UFSP2: variants seen among roughly 807,000 people sequenced by gnomAD.
UFSP2 encodes ufm1-specific protease 2.
A neutral mutation model predicts 60.2 loss-of-function variants in UFSP2; 43 were observed. The ratio of observed to expected loss-of-function variants is 0.71; its 90% confidence interval spans 0.56 to 0.92. The LOEUF (loss-of-function observed/expected upper bound fraction) is 0.92, where lower values mean the gene tolerates loss of function less well. Ranked by LOEUF, UFSP2 falls within the 40% of genes least tolerant of loss-of-function variation. UFSP2 has a pLI of 0.00. For synonymous variants in UFSP2, 183 were observed against 195.1 expected, an observed-to-expected ratio of 0.94 and a Z score of 0.52; for missense variants, 520 against 575.0, an observed-to-expected ratio of 0.90 and a Z score of 0.98.
In UFSP2 at chr4:185,412,865, C is replaced by G. The variant is rs563341124; in HGVS notation, c.831+861G>C. Among the ~76,000 whole-genome samples the G allele has an allele frequency of 9.2e-5, 14 of 152,220 alleles. No individual in the cohort carries two copies. In the South Asian group the frequency reaches 1.0e-3, roughly 11 times the overall value. On this transcript the variant is annotated intron_variant, in intron 7 of 11. Transcript: ENST00000264689. ...CTAATCTTGGATGCCTTATAAGGTC[C>G]TTTCTCACTGGCCTCCATGTATCCT...
rs2095510994 is a variant in UFSP2 at position 185,399,797 on chromosome 4, T to G, written c.*595A>C. On this transcript the variant is annotated 3_prime_UTR_variant, in exon 12 of 12. Coordinates refer to ENST00000264689, the MANE Select transcript of UFSP2 (RefSeq NM_018359.5). Reference sequence around the variant, plus strand: ...TGGTAAGTAACTCAGAGCTGCTGCTTTTTTCCTCCCGCAGTGATCTCTTGT... The same window carrying G: ...TGGTAAGTAACTCAGAGCTGCTGCTGTTTTCCTCCCGCAGTGATCTCTTGT... 1 of 1,613,216 alleles carries G rather than the reference T, an allele frequency of 6.2e-7. No individual in the cohort carries two copies. Among genetic ancestry groups the G allele is most frequent in the Admixed American group, 1.7e-5 (1 of 59,952 alleles).
chr4:185,400,032 T>G lies in UFSP2; in HGVS notation c.*360A>C. Reference sequence around the variant, plus strand: ...TTAAAAACAGATGTCACGTGGGTTATGAAGAAGTCTGAAGAACGCCTTCAT... The same window carrying G: ...TTAAAAACAGATGTCACGTGGGTTAGGAAGAAGTCTGAAGAACGCCTTCAT... On this transcript the variant is annotated 3_prime_UTR_variant, in exon 12 of 12. Coordinates refer to ENST00000264689, the MANE Select transcript of UFSP2 (RefSeq NM_018359.5). 6.3e-7 allele frequency: 1 copy of G among 1,585,178 alleles called. No homozygotes were observed. The highest frequency in any genetic ancestry group is 8.6e-7 in the Non-Finnish European group (1 of 1,161,556).
chr4:185,400,000 C>CAA lies in UFSP2; in HGVS notation c.*391_*392insTT. ...TTTAAAAAAAAGTTTTTAATGTTAA[C>CAA]GTGTTTTTAAAAACAGATGTCACGT... On this transcript the variant is annotated 3_prime_UTR_variant, in exon 12 of 12. Coordinates refer to ENST00000264689, the MANE Select transcript of UFSP2 (RefSeq NM_018359.5). The CAA allele has an allele frequency of 6.2e-7, 1 of 1,600,910 alleles. No individual in the cohort carries two copies. Among genetic ancestry groups the CAA allele is most frequent in the Non-Finnish European group, 8.5e-7 (1 of 1,176,940 alleles).
chr4:185,413,748 G>A lies in UFSP2; in HGVS notation c.809C>T (p.Pro270Leu), dbSNP rs551272481. Residue 270 changes from proline to leucine, a missense_variant, in exon 7 of 12, where the codon CCA becomes CTA. By Grantham distance (98) the Pro-to-Leu change is moderately conservative (BLOSUM62 -3). Coordinates refer to ENST00000264689, the MANE Select transcript of UFSP2 (RefSeq NM_018359.5). ...YIRNPHTYLN[P>L]PNMETGMIYV... Reference sequence around the variant, plus strand: ...CACCATACCAGTCTCCATGTTAGGTGGATTAAGGTAAGTATGTGGATTTCT... The same window carrying A: ...CACCATACCAGTCTCCATGTTAGGTAGATTAAGGTAAGTATGTGGATTTCT... The A allele has an allele frequency of 5.6e-6, 9 of 1,612,604 alleles. No individual in the cohort carries two copies. The East Asian group carries it at 1.8e-4, about 32-fold the overall frequency.
intron 10 of UFSP2, among the ~76,000 whole-genome samples, chr4:185,405,055 G>GGA (rs2095518696): frequency 6.9e-6 from 1 of 144,502 alleles, no homozygotes; most frequent in South Asian, 2.2e-4. Flanking sequence ...AACCCAGGCT[G>GGA]GAGAGCAGTG....
chr4:185,407,941 A>T lies in UFSP2; in HGVS notation c.1116T>A (p.Phe372Leu), dbSNP rs2095523223. ...ATTTCTTAAAGTGTGCTTACCTGACAAACAGGATTTTTGACGTTATACCGA... is the reference window on the plus strand; with the variant it reads ...ATTTCTTAAAGTGTGCTTACCTGACTAACAGGATTTTTGACGTTATACCGA... ...QLIGITSKILFVSQGSEIASQ... is the reference protein window; with the variant it reads ...QLIGITSKILLVSQGSEIASQ... The change falls in exon 9 of 12, where the codon TTT (phenylalanine) becomes TTA (leucine). Residue 372 changes from phenylalanine to leucine, a missense_variant. Physicochemically the swap from Phe to Leu is conservative, Grantham distance 22 (BLOSUM62 0). Coordinates refer to ENST00000264689, the MANE Select transcript of UFSP2 (RefSeq NM_018359.5). 1.2e-6 allele frequency: 2 copies of T among 1,613,546 alleles called. No individual in the cohort carries two copies. Among genetic ancestry groups the T allele is most frequent in the South Asian group, 2.2e-5 (2 of 90,852 alleles).
chr4:185,419,133 TC>T (rs1241330812), intron 2 of UFSP2, among the ~76,000 whole-genome samples: 2 of 151,880 alleles, frequency 1.3e-5, no homozygotes, highest in African/African-American at 4.8e-5. Context: ...ACCTCCTACA[TC>T]TTTTCTTTTT....
intron 9 of UFSP2, among the ~76,000 whole-genome samples, chr4:185,406,984 T>C (rs970927876): frequency 1.9e-4 from 29 of 150,206 alleles, no homozygotes; most frequent in African/African-American, 6.8e-4. Flanking sequence ...TAATTAACAA[T>C]AGAAAATGTA....
intron 10 of UFSP2, 76 bp from the exon 11 acceptor site, chr4:185,403,694 A>G: frequency 6.5e-7 from 1 of 1,541,944 alleles, no homozygotes; most frequent in Non-Finnish European, 8.7e-7. Context: ...AAATAGACAG[A>G]TTACGGCCGG....
Position 185,418,714 on chromosome 4 carries a change from A to T in UFSP2, c.139T>A (p.Ser47Thr), listed in dbSNP as rs773871032. 1.9e-6 allele frequency: 3 copies of T among 1,613,638 alleles called. No individual in the cohort carries two copies. The South Asian group carries it at 3.3e-5, about 18-fold the overall frequency. Residue 47 changes from serine to threonine, a missense_variant, in exon 3 of 12, where the codon TCT (serine) becomes ACT (threonine). By Grantham distance (58) the Ser-to-Thr change is moderately conservative (BLOSUM62 1). Coordinates refer to ENST00000264689, the MANE Select transcript of UFSP2 (RefSeq NM_018359.5). ...ATTCTGAACACAAGGGCGTTTGAAG[A>T]CAGCTTAGTTGACAGGTCACTCAAC... ...HVLSDLSTKL[S>T]SNALVFRICH...
intron 1 of UFSP2, among the ~76,000 whole-genome samples, chr4:185,425,629 T>A (rs796919295): frequency 1.3e-5 from 2 of 152,180 alleles, no homozygotes; most frequent in African/African-American, 4.8e-5. Context: ...CACAGAGAAG[T>A]AGCAGGGGGT....
chr4:185,415,921 A>G (rs1203189688), intron 4 of UFSP2, 54 bp from the exon 5 acceptor site: 13 of 1,408,254 alleles, frequency 9.2e-6, no homozygotes, highest in Non-Finnish European at 1.1e-5. Flanking sequence ...ACTAAATATA[A>G]AGAGTAAGTA....
intron 9 of UFSP2, 158 bp from the exon 10 acceptor site, chr4:185,406,014 A>G: frequency 6.8e-7 from 1 of 1,465,040 alleles, no homozygotes; most frequent in Non-Finnish European, 9.2e-7. Context: ...GAGAGCAATT[A>G]AACTGTGCAA....
At chr4:185,415,628 G>A (rs900103658) in intron 5 of UFSP2, 82 bp downstream of exon 5, 2 of 1,207,732 alleles carry the variant, frequency 1.7e-6, no homozygotes, top group Admixed American at 2.4e-5. Flanking sequence ...TCACACCTTA[G>A]GTATACCTAC....
At chr4:185,425,251 G>A (rs1318491559) in intron 1 of UFSP2, among the ~76,000 whole-genome samples, 1 of 152,134 alleles carries the variant, frequency 6.6e-6, no homozygotes, top group Non-Finnish European at 1.5e-5. Flanking sequence ...GGTTCCTGGA[G>A]GAAGAGCAGG....
chr4:185,401,236 A>C (rs1212972098), intron 11 of UFSP2, among the ~76,000 whole-genome samples: 1 of 152,218 alleles, frequency 6.6e-6, no homozygotes, highest in East Asian at 1.9e-4. Flanking sequence ...ACACGTTGTC[A>C]AAAAACAAGA....
rs116189380 is a variant in UFSP2 at position 185,412,820 on chromosome 4, G to A, written c.831+906C>T. 1.6e-3 allele frequency among the ~76,000 whole-genome samples: 245 copies of A among 152,146 alleles called. 1 individual carries two copies. The highest frequency in any genetic ancestry group is 5.5e-3 in the African/African-American group (229 of 41,502). ...GTCACAGGGCTGCTGTTTCTAAGAG[G>A]CCCAGCTCTATTGGTATTCCTAATC... is the stretch of plus-strand genomic sequence containing the variant. On this transcript the variant is annotated intron_variant, in intron 7 of 11. Coordinates refer to ENST00000264689, the MANE Select transcript of UFSP2 (RefSeq NM_018359.5).
At chr4:185,419,333 C>T (rs368577917) in intron 2 of UFSP2, among the ~76,000 whole-genome samples, 422 of 151,972 alleles carry the variant, frequency 2.8e-3, no homozygotes, top group African/African-American at 8.7e-3. Context: ...GGTTTCACCA[C>T]GTTAGCCAGG....
Position 185,399,691 on chromosome 4 carries a change from G to T in UFSP2, c.*701C>A, listed in dbSNP as rs140918899. On this transcript the variant is annotated 3_prime_UTR_variant, in exon 12 of 12. Transcript: ENST00000264689. ...GACAATAAAAGCAAGTGAACACCCT[G>T]ACAGGAATGATTGTGTTGCCGTGCT... 6.2e-7 allele frequency: 1 copy of T among 1,614,006 alleles called. No homozygotes were observed. Among genetic ancestry groups the T allele is most frequent in the African/African-American group, 1.3e-5 (1 of 74,910 alleles).
Sources: allele counts gnomAD v4.1 joint callset (sites outside exome capture counted in the v4.1 genomes callset), GRCh38; gene constraint gnomAD v4.1.1; transcripts MANE v1.5; gene names NCBI Gene and HGNC (gene_info 2026-07-23, HGNC 2026-07-21).